Variants in PDE10A observed in about 807,000 individuals in gnomAD.
PDE10A encodes the protein cAMP and cAMP-inhibited cGMP 3',5'-cyclic phosphodiesterase 10A.
PDE10A carries 39 observed loss-of-function variants against 97.7 expected under a neutral mutation model. The ratio of observed to expected loss-of-function variants is 0.40; its 90% CI spans 0.31 to 0.52. PDE10A has a LOEUF of 0.52. Among genes scored for constraint, PDE10A ranks in the 20% least tolerant of loss-of-function variants. PDE10A has a pLI of 0.56. For synonymous variants in PDE10A, 371 were observed against 376.8 expected, an observed-to-expected ratio of 0.98 and a Z score of 0.18; for missense variants, 731 against 1,047.8, an observed-to-expected ratio of 0.70 and a Z score of 4.17.
At chr6:165,955,761 T>C (rs975191390) in intron 1 of PDE10A, among the ~76,000 whole-genome samples, 1 of 152,246 alleles carries the variant, frequency 6.6e-6, no homozygotes, top group Non-Finnish European at 1.5e-5. Flanking sequence ...TAGTAACGTG[T>C]TAACTAGTAG....
chr6:165,519,874 T>C (rs1583455886), intron 2 of PDE10A, among the ~76,000 whole-genome samples: 1 of 152,134 alleles, frequency 6.6e-6, no homozygotes, highest in Non-Finnish European at 1.5e-5. Context: ...ATGAACAGGG[T>C]AGGGAAGAAA....
chr6:165,659,508 T>C (rs571949537), intron 1 of PDE10A, among the ~76,000 whole-genome samples: 4 of 152,300 alleles, frequency 2.6e-5, no homozygotes, highest in Middle Eastern at 3.4e-3. Context: ...AGAGCAGAAA[T>C]TGGCTACTCT....
intron 2 of PDE10A, among the ~76,000 whole-genome samples, chr6:165,488,654 T>C (rs1374568512): frequency 6.6e-6 from 1 of 152,000 alleles, no homozygotes; most frequent in Admixed American, 6.6e-5. Flanking sequence ...CGAGGAACTG[T>C]GGGTTCACTT....
intron 1 of PDE10A, among the ~76,000 whole-genome samples, chr6:165,983,790 A>G (rs1385957279): frequency 1.3e-5 from 2 of 152,238 alleles, no homozygotes; most frequent in African/African-American, 4.8e-5. Flanking sequence ...GTAAAAAACA[A>G]CAGCACTGAG....
At chr6:165,439,766 A>G (rs1790295831) in intron 5 of PDE10A, among the ~76,000 whole-genome samples, 1 of 152,250 alleles carries the variant, frequency 6.6e-6, no homozygotes, top group South Asian at 2.1e-4. Flanking sequence ...TCAGTAAAGG[A>G]CTTAAAAAGC....
At chr6:165,967,609 T>C (rs1167598262) in intron 1 of PDE10A, among the ~76,000 whole-genome samples, 1 of 152,236 alleles carries the variant, frequency 6.6e-6, no homozygotes, top group Non-Finnish European at 1.5e-5. Context: ...AAGGAAAAGA[T>C]GATTTGAATA....
chr6:165,805,295 C>G (rs1430621277), intron 1 of PDE10A, among the ~76,000 whole-genome samples: 1 of 152,140 alleles, frequency 6.6e-6, no homozygotes, highest in African/African-American at 2.4e-5. Context: ...GGCCGCTTTC[C>G]TCAGGGTCCC....
At chr6:165,875,223 A>T (rs1363505395) in intron 1 of PDE10A, among the ~76,000 whole-genome samples, 1 of 152,182 alleles carries the variant, frequency 6.6e-6, no homozygotes, top group Non-Finnish European at 1.5e-5. Flanking sequence ...TACCAGGAGG[A>T]TAACATCAGG....
chr6:165,551,318 T>C (rs909575656), intron 1 of PDE10A, among the ~76,000 whole-genome samples: 19 of 152,218 alleles, frequency 1.2e-4, no homozygotes, highest in African/African-American at 4.3e-4. Flanking sequence ...GCATTTATAC[T>C]ACAACTGTTT....
intron 1 of PDE10A, among the ~76,000 whole-genome samples, chr6:165,788,518 CAAAAAAAAA>C (rs56927613): frequency 1.3e-5 from 1 of 74,764 alleles, no homozygotes; most frequent in African/African-American, 6.1e-5. Context: ...AACTCTGTCT[CAAAAAAAAA>C]AAAAAAAAAA....
At chr6:165,937,497 T>C (rs1783373601) in intron 1 of PDE10A, among the ~76,000 whole-genome samples, 1 of 152,224 alleles carries the variant, frequency 6.6e-6, no homozygotes, top group Non-Finnish European at 1.5e-5. Flanking sequence ...AGCAATCTGT[T>C]CTTAATAGAA....
In PDE10A at chr6:165,986,255, C is replaced by G. The variant is rs56394996; in HGVS notation, c.-615+1274G>C. On this transcript the variant is annotated intron_variant, in intron 1 of 19. Coordinates refer to the PDE10A transcript ENST00000366882. ...GGATTTGGGGGTTTTCTTTCCCCAC[C>G]CCCTGGCCCTCCCCCCTCGGAGAGG... 3.4e-3 allele frequency: 526 copies of G among 153,704 alleles called. 3 individuals are homozygous for G. The highest frequency in any genetic ancestry group is 5.9e-3 in the Non-Finnish European group (406 of 68,944). The allele number at this position is 153,704 out of a possible 1,614,324, so 9.5% of individuals were successfully genotyped here. A position where few individuals can be genotyped will look rare whatever the true frequency, so the allele number is the denominator to read the frequency against.
chr6:165,532,127 G>A (rs1001292214), intron 2 of PDE10A, among the ~76,000 whole-genome samples: 4 of 151,954 alleles, frequency 2.6e-5, no homozygotes, highest in South Asian at 2.1e-4. Flanking sequence ...TCTGCTTTCC[G>A]TGAAACTGGC....
intron 1 of PDE10A, among the ~76,000 whole-genome samples, chr6:165,873,420 C>G (rs1781254821): frequency 6.6e-6 from 1 of 152,152 alleles, no homozygotes; most frequent in Non-Finnish European, 1.5e-5. Flanking sequence ...GTCCATCAGC[C>G]TCTCTCTGTT....
intron 3 of PDE10A, among the ~76,000 whole-genome samples, chr6:165,479,382 C>T (rs1779474173): frequency 6.6e-6 from 1 of 152,134 alleles, no homozygotes; most frequent in African/African-American, 2.4e-5. Flanking sequence ...GCATGACTCA[C>T]TCTGCACCTG....
chr6:165,658,297 G>A (rs1218071823), intron 1 of PDE10A, among the ~76,000 whole-genome samples: 1 of 152,170 alleles, frequency 6.6e-6, no homozygotes, highest in African/African-American at 2.4e-5. Context: ...CACAATTCCT[G>A]GGAGCATACA....
At chr6:165,622,357 A>G (rs1490143778) in intron 1 of PDE10A, among the ~76,000 whole-genome samples, 2 of 152,060 alleles carry the variant, frequency 1.3e-5, no homozygotes, top group African/African-American at 4.8e-5. Context: ...AGTTGGTTTC[A>G]TTGTTGTGTG....
intron 19 of PDE10A, among the ~76,000 whole-genome samples, chr6:165,342,789 T>C (rs1296523220): frequency 6.6e-6 from 1 of 152,218 alleles, no homozygotes; most frequent in East Asian, 1.9e-4. Flanking sequence ...TACATACAAT[T>C]CCATCAGCAA....
At position 165,677,010 on chromosome 6, in the gene PDE10A, C is replaced by T. The variant is rs140311851; in HGVS notation, c.-614-133442G>A. ...TTCCAAGAAAAAGTGCAAAATCTTG[C>T]TTGAATGATTCACTTCCTTTCTTCC... On this transcript the variant is annotated intron_variant, in intron 1 of 19. Coordinates refer to the PDE10A transcript ENST00000366882. 8.5e-3 allele frequency among the ~76,000 whole-genome samples: 1,299 copies of T among 152,320 alleles called. 15 individuals carry two copies. Among genetic ancestry groups the T allele is most frequent in the Non-Finnish European group, 0.014 (958 of 68,016 alleles).
Sources: allele counts gnomAD v4.1 joint callset (sites outside exome capture counted in the v4.1 genomes callset), GRCh38; gene constraint gnomAD v4.1.1; transcripts MANE v1.5; gene names NCBI Gene and HGNC (gene_info 2026-07-23, HGNC 2026-07-21).